VWC2: variants seen among roughly 807,000 people sequenced by gnomAD.
VWC2 encodes the protein von Willebrand factor C domain containing 2, also known as brorin.
A neutral mutation model predicts 29.8 loss-of-function variants in VWC2; 14 were observed. The observed-to-expected ratio is 0.47, with a 90% CI of 0.31 to 0.74. The LOEUF (loss-of-function observed/expected upper bound fraction) is 0.74. Ranked by LOEUF, VWC2 falls within the 30% of genes least tolerant of loss-of-function variation. VWC2 has a pLI of 0.05. For missense variants in VWC2, 457 were observed against 459.8 expected (o/e 0.99, Z 0.05); for synonymous variants, 213 against 199.0 (o/e 1.07, Z -0.59).
At chr7:49,839,887 T>C (rs145230217) in intron 3 of VWC2, among the ~76,000 whole-genome samples, 48 of 152,310 alleles carry the variant, frequency 3.2e-4, no homozygotes, top group Non-Finnish European at 5.1e-4. Context: ...GATCTGGTGG[T>C]TCCAAGCTAA....
intron 3 of VWC2, among the ~76,000 whole-genome samples, chr7:49,874,006 G>GT (rs991469124): frequency 2.6e-5 from 4 of 151,412 alleles, no homozygotes; most frequent in Non-Finnish European, 4.4e-5. Flanking sequence ...TGTTTGGAGT[G>GT]TGTGTGTGTG....
chr7:49,837,589 G>T (rs911569007), intron 3 of VWC2, among the ~76,000 whole-genome samples: 1 of 152,150 alleles, frequency 6.6e-6, no homozygotes, highest in Non-Finnish European at 1.5e-5. Flanking sequence ...GCACTTGCTG[G>T]ATTTACAGTC....
At chr7:49,884,592 G>A (rs1394049667) in intron 3 of VWC2, among the ~76,000 whole-genome samples, 1 of 152,098 alleles carries the variant, frequency 6.6e-6, no homozygotes, top group African/African-American at 2.4e-5. Flanking sequence ...TTAAGACAGT[G>A]GGTCAATTTC....
chr7:49,789,310 T>G (rs974141502), intron 2 of VWC2, among the ~76,000 whole-genome samples: 1 of 114,582 alleles, frequency 8.7e-6, no homozygotes, highest in African/African-American at 3.4e-5. Context: ...GGTGTGTGAG[T>G]GTGGGTGTAG....
At chr7:49,899,370 T>C (rs945946583) in intron 3 of VWC2, among the ~76,000 whole-genome samples, 7 of 152,024 alleles carry the variant, frequency 4.6e-5, no homozygotes, top group African/African-American at 1.7e-4. Context: ...TCTGGAATTT[T>C]CCATTTAATG....
intron 3 of VWC2, among the ~76,000 whole-genome samples, chr7:49,814,244 G>A (rs1022513210): frequency 2.6e-5 from 4 of 152,006 alleles, no homozygotes; most frequent in Non-Finnish European, 4.4e-5. Context: ...GTATTTTCAC[G>A]CTGTTCTTCA....
chr7:49,838,635 G>A (rs1336760276), intron 3 of VWC2, among the ~76,000 whole-genome samples: 1 of 152,088 alleles, frequency 6.6e-6, no homozygotes, highest in Admixed American at 6.6e-5. Flanking sequence ...GTAGAACGTG[G>A]CTCCGTACAA....
rs1437437215 is a variant in VWC2, at chr7:49,917,520, G to A, written c.*5335G>A. 1 of 152,104 alleles carries A rather than the reference G, an allele frequency of 6.6e-6. No individual in the cohort carries two copies. The highest frequency in any genetic ancestry group is 1.5e-5 in the Non-Finnish European group (1 of 67,998). 9.4% of individuals were successfully genotyped at this position (152,104 alleles called of 1,614,324 possible). A position where few individuals can be genotyped will look rare whatever the true frequency, so the allele number is the denominator to read the frequency against. ...TTCAGAAAAGTACATAAAACCTCTG[G>A]CTGACCTATTATATAGGCACAGAAT... On this transcript the variant is annotated 3_prime_UTR_variant, in exon 4 of 4. Transcript: ENST00000340652.
At chr7:49,834,064 T>C (rs1212426952) in intron 3 of VWC2, among the ~76,000 whole-genome samples, 1 of 152,164 alleles carries the variant, frequency 6.6e-6, no homozygotes, top group Non-Finnish European at 1.5e-5. Context: ...GGGAAGCGTA[T>C]TGGCTGAGCA....
At chr7:49,797,704 T>A (rs1238034920) in intron 2 of VWC2, among the ~76,000 whole-genome samples, 1 of 152,202 alleles carries the variant, frequency 6.6e-6, no homozygotes. Context: ...AGGACTGGAA[T>A]GAATAAATGA....
At chr7:49,867,839 TATTTTA>T (rs1790972137) in intron 3 of VWC2, among the ~76,000 whole-genome samples, 2 of 81,274 alleles carry the variant, frequency 2.5e-5, no homozygotes, top group South Asian at 6.6e-4. Flanking sequence ...TTTATTATTT[TATTTTA>T]TTTTTTGAGG....
chr7:49,837,200 T>C (rs1436171034), intron 3 of VWC2, among the ~76,000 whole-genome samples: 2 of 152,198 alleles, frequency 1.3e-5, no homozygotes, highest in African/African-American at 4.8e-5. Flanking sequence ...AACTGTGATA[T>C]TCAATGAGGG....
chr7:49,906,369 C>T (rs943817644), intron 3 of VWC2, among the ~76,000 whole-genome samples: 1 of 152,146 alleles, frequency 6.6e-6, no homozygotes, highest in African/African-American at 2.4e-5. Flanking sequence ...GAGTCTTGCT[C>T]TGTCGCCCAG....
intron 3 of VWC2, among the ~76,000 whole-genome samples, chr7:49,843,046 C>T (rs995382850): frequency 1.3e-5 from 2 of 152,126 alleles, no homozygotes; most frequent in African/African-American, 4.8e-5. Context: ...TTTTCCCCTT[C>T]CCTTTCCCCG....
chr7:49,879,069 C>T (rs1034253557), intron 3 of VWC2, among the ~76,000 whole-genome samples: 2 of 152,054 alleles, frequency 1.3e-5, no homozygotes, highest in African/African-American at 2.4e-5. Flanking sequence ...TCTTAATATC[C>T]GGCAGTTCAT....
intron 2 of VWC2, among the ~76,000 whole-genome samples, chr7:49,777,203 C>G (rs950537521): frequency 2.6e-5 from 4 of 152,202 alleles, no homozygotes; most frequent in African/African-American, 9.7e-5. Flanking sequence ...CTTTTCCCAC[C>G]TGCAGAGGGC....
At chr7:49,887,995 C>T (rs998457212) in intron 3 of VWC2, among the ~76,000 whole-genome samples, 26 of 147,020 alleles carry the variant, frequency 1.8e-4, no homozygotes, top group Non-Finnish European at 2.8e-4. Flanking sequence ...CCCTTCACAA[C>T]CACTTGGTAT....
rs972577093 is a variant in VWC2 at position 49,916,472 on chromosome 7, T to C, written c.*4287T>C. The C allele has an allele frequency of 9.8e-5, 15 of 152,340 alleles. No individual in the cohort carries two copies. The highest frequency in any genetic ancestry group is 1.9e-4 in the Non-Finnish European group (13 of 68,034). The allele number at this position is 152,340 out of a possible 1,614,324, so 9.4% of individuals were successfully genotyped here. A position where few individuals can be genotyped will look rare whatever the true frequency, so the allele number is the denominator to read the frequency against. On this transcript the variant is annotated 3_prime_UTR_variant, in exon 4 of 4. Coordinates refer to ENST00000340652, the MANE Select transcript of VWC2 (RefSeq NM_198570.5). ...GCTTCTGTAGTTCTTATTGGAAGAA[T>C]TGTCACTCTATGTCCCAGTAATAGT...
At chr7:49,830,355 GTC>G (rs1009228303) in intron 3 of VWC2, among the ~76,000 whole-genome samples, 3 of 152,140 alleles carry the variant, frequency 2.0e-5, no homozygotes, top group Non-Finnish European at 4.4e-5. Flanking sequence ...GTTGTCAGAA[GTC>G]TCTGGTTTCT....
Sources: allele counts gnomAD v4.1 joint callset (sites outside exome capture counted in the v4.1 genomes callset), GRCh38; gene constraint gnomAD v4.1.1; transcripts MANE v1.5; gene names NCBI Gene and HGNC (gene_info 2026-07-23, HGNC 2026-07-21).